CSNK2A2IP: variants seen among roughly 807,000 people sequenced by gnomAD.
The protein encoded by CSNK2A2IP is casein kinase 2 subunit alpha' interacting protein, also known as casein kinase II subunit alpha'-interacting protein.
At chr3:88,407,326 CTGAATGCATAT>C in the CSNK2A2IP span, among the ~76,000 whole-genome samples, 1 of 143,986 alleles carries the variant, frequency 6.9e-6, no homozygotes. Context: ...GAGGGAGGGT[CTGAATGCATAT>C]TCATGCATAT....
chr3:88,394,498 G>A, the CSNK2A2IP span, among the ~76,000 whole-genome samples: 67 of 152,200 alleles, frequency 4.4e-4, no homozygotes, highest in Non-Finnish European at 6.9e-4. Flanking sequence ...TCAGCCTCCC[G>A]AGTAGCTGGG....
chr3:88,353,555 A>G, the CSNK2A2IP span, among the ~76,000 whole-genome samples: 1 of 152,174 alleles, frequency 6.6e-6, no homozygotes, highest in Non-Finnish European at 1.5e-5. Flanking sequence ...CTCCTGGCCA[A>G]TGTTGGAAAA....
the CSNK2A2IP span, among the ~76,000 whole-genome samples, chr3:88,425,865 G>A: frequency 6.6e-6 from 1 of 152,070 alleles, no homozygotes; most frequent in South Asian, 2.1e-4. Context: ...TATTATGCTA[G>A]ATGTTGCTGG....
the CSNK2A2IP span, among the ~76,000 whole-genome samples, chr3:88,377,668 C>T: frequency 6.6e-6 from 1 of 151,828 alleles, no homozygotes; most frequent in Non-Finnish European, 1.5e-5. Flanking sequence ...AATTAGCCCT[C>T]ATACAAATCT....
chr3:88,415,220 C>A, the CSNK2A2IP span, among the ~76,000 whole-genome samples: 1 of 151,854 alleles, frequency 6.6e-6, no homozygotes, highest in African/African-American at 2.4e-5. Flanking sequence ...TCAAAAATAA[C>A]CAAAATTTTG....
chr3:88,381,657 C>T, the CSNK2A2IP span, among the ~76,000 whole-genome samples: 1 of 152,242 alleles, frequency 6.6e-6, no homozygotes, highest in South Asian at 2.1e-4. Context: ...ACTGTGTCTA[C>T]CTTGGCAGAT....
At chr3:88,431,462 G>T in the CSNK2A2IP span, among the ~76,000 whole-genome samples, 3 of 152,150 alleles carry the variant, frequency 2.0e-5, no homozygotes, top group African/African-American at 7.2e-5. Context: ...TGGGGAAAGG[G>T]TTGGAAGGGG....
At chr3:88,370,935 C>T in the CSNK2A2IP span, among the ~76,000 whole-genome samples, 1 of 151,570 alleles carries the variant, frequency 6.6e-6, no homozygotes. Context: ...GAGAAAAGGC[C>T]AGGTGAGAAC....
the CSNK2A2IP span, among the ~76,000 whole-genome samples, chr3:88,407,337 T>C: frequency 1.3e-5 from 2 of 149,880 alleles, no homozygotes; most frequent in Non-Finnish European, 3.0e-5. Context: ...TGAATGCATA[T>C]TCATGCATAT....
At chr3:88,395,375 G>A in the CSNK2A2IP span, among the ~76,000 whole-genome samples, 140,739 of 152,222 alleles carry the variant, frequency 0.92, 65,769 homozygotes, top group South Asian at 1. Flanking sequence ...GTCAAATTTA[G>A]TGTTTTCTGT....
the CSNK2A2IP span, among the ~76,000 whole-genome samples, chr3:88,371,659 T>G: frequency 2.0e-5 from 3 of 151,720 alleles, no homozygotes; most frequent in Non-Finnish European, 4.4e-5. Context: ...GGCAGAAAAC[T>G]TCTGATATTT....
chr3:88,442,631 C>T, the CSNK2A2IP span, among the ~76,000 whole-genome samples: 2 of 151,980 alleles, frequency 1.3e-5, no homozygotes, highest in Non-Finnish European at 2.9e-5. Context: ...AAACTTGAGA[C>T]ACATACTATT....
chr3:88,376,677 C>A, the CSNK2A2IP span, among the ~76,000 whole-genome samples: 1 of 151,708 alleles, frequency 6.6e-6, no homozygotes, highest in Admixed American at 6.6e-5. Context: ...CTTGTTCCTG[C>A]CATTTTCTCA....
At chr3:88,418,463 T>TGCGCGCGCGC in the CSNK2A2IP span, among the ~76,000 whole-genome samples, 780 of 149,618 alleles carry the variant, frequency 5.2e-3, 6 homozygotes, top group African/African-American at 0.017. Context: ...TGTGTGTGTG[T>TGCGCGCGCGC]GCGCGCGGGC....
chr3:88,454,512 T>A, the CSNK2A2IP span, among the ~76,000 whole-genome samples: 1 of 151,928 alleles, frequency 6.6e-6, no homozygotes. Context: ...TCACAAACTT[T>A]AAAAAAATTT....
At chr3:88,398,501 A>C in the CSNK2A2IP span, among the ~76,000 whole-genome samples, 1 of 152,142 alleles carries the variant, frequency 6.6e-6, no homozygotes, top group African/African-American at 2.4e-5. Context: ...TTAATCCTAA[A>C]ATAAATTGGG....
the CSNK2A2IP span, among the ~76,000 whole-genome samples, chr3:88,446,106 CTTTCT>C: frequency 2.5e-5 from 2 of 81,368 alleles, no homozygotes; most frequent in African/African-American, 1.1e-4. Flanking sequence ...TTCTTTTTTT[CTTTCT>C]TTCTTTTTTT....
the CSNK2A2IP span, among the ~76,000 whole-genome samples, chr3:88,350,910 A>G: frequency 1.3e-5 from 2 of 152,132 alleles, no homozygotes; most frequent in Non-Finnish European, 2.9e-5. Flanking sequence ...CCCAGTAGAC[A>G]TGCACACTCA....
chr3:88,342,485 C>A, the CSNK2A2IP span, among the ~76,000 whole-genome samples: 18 of 151,954 alleles, frequency 1.2e-4, no homozygotes, highest in Non-Finnish European at 1.9e-4. Context: ...GTCCATAAAT[C>A]TTCCTCCACC....
Sources: allele counts gnomAD v4.1 joint callset (sites outside exome capture counted in the v4.1 genomes callset), GRCh38; gene constraint gnomAD v4.1.1; transcripts MANE v1.5; gene names NCBI Gene and HGNC (gene_info 2026-07-23, HGNC 2026-07-21).